Variants in CMAS observed in about 807,000 individuals in gnomAD.
CMAS encodes N-acylneuraminate cytidylyltransferase.
Under a neutral mutation model 53.4 loss-of-function variants are expected in CMAS, and 21 were observed. That is an observed-to-expected ratio of 0.39 (90% CI 0.28 to 0.57). The LOEUF (loss-of-function observed/expected upper bound fraction) is 0.57, where lower values mean the gene tolerates loss of function less well. Ranked by LOEUF, CMAS falls within the 20% of genes least tolerant of loss-of-function variation. CMAS has a pLI of 0.56. For synonymous variants in CMAS, 189 were observed against 195.2 expected, an observed-to-expected ratio of 0.97 and a Z score of 0.27; for missense variants, 384 against 534.9, an observed-to-expected ratio of 0.72 and a Z score of 2.78.
Position 22,055,228 on chromosome 12 carries a change from G to A in CMAS, c.340G>A (p.Glu114Lys). Residue 114 changes from glutamate to lysine, a missense_variant, in exon 2 of 8, where the codon GAA (glutamate) becomes AAA (lysine). Glu to Lys is a moderately conservative substitution (Grantham distance 56). Transcript: ENST00000229329. ...FGAQVHRRSS[E>K]VSKDSSTSLD... is the part of the protein sequence containing the mutation. ...TGCACAAGTTCATCGAAGAAGTTCT[G>A]AAGTTTCAAAAGACAGCTCTACCTC... 6.2e-7 allele frequency: 1 copy of A among 1,612,502 alleles called. No individual in the cohort carries two copies. The highest frequency in any genetic ancestry group is 8.5e-7 in the Non-Finnish European group (1 of 1,178,758).
intron 1 of CMAS, among the ~76,000 whole-genome samples, chr12:22,050,954 C>G (rs979425830): frequency 6.6e-6 from 1 of 151,762 alleles, no homozygotes; most frequent in Admixed American, 6.6e-5. Flanking sequence ...TTTGGAGCAC[C>G]CTTCCTGCCT....
chr12:22,061,736 A>T (rs1345291777), intron 6 of CMAS, among the ~76,000 whole-genome samples: 3 of 152,272 alleles, frequency 2.0e-5, no homozygotes, highest in African/African-American at 7.2e-5. Flanking sequence ...AGCAAGAAAG[A>T]TTCCCTAGAT....
At chr12:22,046,621 G>C in intron 1 of CMAS, 58 bp downstream of exon 1, 7 of 1,449,158 alleles carry the variant, frequency 4.8e-6, no homozygotes, top group Non-Finnish European at 6.4e-6. Flanking sequence ...GAGGGAGTCG[G>C]GCTGCTGGAG....
At chr12:22,061,185 G>T in intron 5 of CMAS, 96 bp from the exon 6 acceptor site, 1 of 863,456 alleles carries the variant, frequency 1.2e-6, no homozygotes. Context: ...TTGAATAATT[G>T]AATGGAGGGT....
At chr12:22,063,422 C>T (rs1950321690) in intron 7 of CMAS, among the ~76,000 whole-genome samples, 2 of 152,064 alleles carry the variant, frequency 1.3e-5, no homozygotes, top group African/African-American at 2.4e-5. Flanking sequence ...TCCAACTATA[C>T]TTATTATCTT....
intron 3 of CMAS, among the ~76,000 whole-genome samples, chr12:22,056,712 C>T (rs375603886): frequency 1.3e-5 from 2 of 152,110 alleles, no homozygotes; most frequent in Non-Finnish European, 2.9e-5. Flanking sequence ...TGGGGAAAAA[C>T]GAGCTATATG....
At chr12:22,060,678 A>G (rs1950303485) in intron 4 of CMAS, 154 bp from the exon 5 acceptor site, 1 of 533,094 alleles carries the variant, frequency 1.9e-6, no homozygotes, top group South Asian at 2.7e-5. Flanking sequence ...GTAAAAATAA[A>G]TTTAAAAATC....
At position 22,046,477 on chromosome 12, in the gene CMAS, C is replaced by T. The variant is rs371978033; in HGVS notation, c.174C>T (p.Ile58=). 6.2e-7 allele frequency: 1 copy of T among 1,610,066 alleles called. No homozygotes were observed. Among genetic ancestry groups the T allele is most frequent in the African/African-American group, 1.3e-5 (1 of 74,686 alleles). Residue 58 remains isoleucine, a synonymous_variant, in exon 1 of 8, where the codon ATC becomes ATT. Transcript: ENST00000229329. ...LILARGGSKG[I]PLKNIKHLAG... The stretch of plus-strand genomic sequence containing the variant: ...TGGCCCGGGGAGGCAGCAAAGGCAT[C>T]CCCCTGAAGAACATTAAGCACCTGG...
intron 1 of CMAS, among the ~76,000 whole-genome samples, chr12:22,051,889 T>C (rs557434361): frequency 1.3e-5 from 2 of 152,176 alleles, no homozygotes; most frequent in East Asian, 1.9e-4. Context: ...ATGTTTATTC[T>C]GTAGTAAATG....
intron 7 of CMAS, among the ~76,000 whole-genome samples, chr12:22,062,712 C>T (rs1180430931): frequency 6.6e-6 from 1 of 152,110 alleles, no homozygotes; most frequent in Non-Finnish European, 1.5e-5. Context: ...GTTGTTTCCT[C>T]ATCTGTAAAC....
chr12:22,065,147 T>C lies in CMAS; in HGVS notation c.1141T>C (p.Leu381=). The C allele has an allele frequency of 6.2e-7, 1 of 1,613,598 alleles. No homozygotes were observed. Among genetic ancestry groups the C allele is most frequent in the East Asian group, 2.2e-5 (1 of 44,860 alleles). Residue 381 remains leucine, a synonymous_variant, in exon 8 of 8, where the codon TTG becomes CTG. Transcript: ENST00000229329. ...LGNEVSDEEC[L]KRVGLSGAPA... is the part of the protein sequence containing the mutation. ...AAATGAAGTGTCTGATGAAGAGTGC[T>C]TGAAGAGAGTGGGCCTAAGTGGCGC...
intron 1 of CMAS, among the ~76,000 whole-genome samples, chr12:22,053,077 T>A (rs1950246249): frequency 6.6e-6 from 1 of 152,000 alleles, no homozygotes; most frequent in African/African-American, 2.4e-5. Flanking sequence ...GAGGGTCACT[T>A]GAGGTCAGGA....
chr12:22,053,628 C>T (rs910318646), intron 1 of CMAS, among the ~76,000 whole-genome samples: 2 of 151,046 alleles, frequency 1.3e-5, no homozygotes, highest in Non-Finnish European at 2.9e-5. Context: ...GCCTGTAATC[C>T]TAGCACTTTG....
chr12:22,064,833 T>G (rs1026888027), intron 7 of CMAS, among the ~76,000 whole-genome samples: 8 of 152,190 alleles, frequency 5.3e-5, no homozygotes, highest in African/African-American at 1.9e-4. Context: ...TACTTAGAAT[T>G]CATATATAAA....
In CMAS at chr12:22,053,070, G is replaced by C. The variant is rs574238745; in HGVS notation, c.261-2079G>C. The stretch of plus-strand genomic sequence containing the variant: ...GCATTTTGGGAGGCTGAGGTGGGAG[G>C]GTCACTTGAGGTCAGGAGTTTGAGA... On this transcript the variant is annotated intron_variant, in intron 1 of 7. Transcript: ENST00000229329. Among the ~76,000 whole-genome samples the C allele has an allele frequency of 1.6e-4, 24 of 152,076 alleles. 1 individual carries two copies. The highest frequency in any genetic ancestry group is 4.6e-4 in the African/African-American group (19 of 41,476).
Position 22,046,244 on chromosome 12 carries a change from G to A in CMAS, c.-60G>A. 1 of 1,381,542 alleles carries A rather than the reference G, an allele frequency of 7.2e-7. No individual in the cohort carries two copies. The highest frequency in any genetic ancestry group is 9.4e-7 in the Non-Finnish European group (1 of 1,063,330). 85.6% of individuals were successfully genotyped at this position (1,381,542 alleles called of 1,614,324 possible). ...GGCGGGGATCGGGCGGCGCCGAGCT[G>A]AGGTGGTGAGGGACTAGCTCCCGGA... On this transcript the variant is annotated 5_prime_UTR_variant, in exon 1 of 8. Coordinates refer to ENST00000229329, the MANE Select transcript of CMAS (RefSeq NM_018686.6).
At chr12:22,055,704 G>C (rs1376332634) in intron 3 of CMAS, 94 bp downstream of exon 3, 3 of 1,044,470 alleles carry the variant, frequency 2.9e-6, no homozygotes, top group Non-Finnish European at 4.2e-6. Context: ...AGTAAAAGGG[G>C]AGCTGTAAAA....
At position 22,060,883 on chromosome 12, in the gene CMAS, G is replaced by GACT; in HGVS notation, c.746_747insCTA (p.Asp249_Val250insTyr). 1 of 1,612,308 alleles carries GACT rather than the reference G, an allele frequency of 6.2e-7. No individual in the cohort carries two copies. Among genetic ancestry groups the GACT allele is most frequent in the Non-Finnish European group, 8.5e-7 (1 of 1,178,590 alleles). On this transcript the variant is annotated inframe_insertion, in exon 5 of 8. Coordinates refer to ENST00000229329, the MANE Select transcript of CMAS (RefSeq NM_018686.6). ...GCGAGCTGAACATAGTGTGGATATA[G>GACT]ATGTGGATATTGATTGGCCTATTGC...
intron 3 of CMAS, among the ~76,000 whole-genome samples, chr12:22,057,233 ACACACATAC>A (rs1465243389): frequency 8.1e-6 from 1 of 123,596 alleles, no homozygotes; most frequent in African/African-American, 3.1e-5. Flanking sequence ...TATTACACAC[ACACACATAC>A]ACACACACAC....
Sources: gnomAD v4.1 joint callset for allele counts (sites outside exome capture counted in the v4.1 genomes callset) on GRCh38, gnomAD v4.1.1 for gene constraint, MANE v1.5 for transcripts, NCBI Gene and HGNC (gene_info 2026-07-23, HGNC 2026-07-21) for gene names.